Variants in FSD1L observed in about 807,000 individuals in gnomAD.
The protein encoded by FSD1L is FSD1-like protein.
A neutral mutation model predicts 71.6 loss-of-function variants in FSD1L; 45 were observed. The ratio of observed to expected loss-of-function variants is 0.63; its 90% confidence interval spans 0.49 to 0.81. The LOEUF (loss-of-function observed/expected upper bound fraction) is 0.81. Among genes scored for constraint, FSD1L ranks in the 30% least tolerant of loss-of-function variants. The probability of loss-of-function intolerance (pLI) is 0.00; values close to 1 mark genes in which losing one functional copy is unlikely to be tolerated. For synonymous variants in FSD1L, 197 were observed against 207.2 expected (o/e 0.95, Z 0.42); for missense variants, 561 against 618.1 (o/e 0.91, Z 0.98).
At chr9:105,465,946 A>G (rs1169420823) in intron 3 of FSD1L, among the ~76,000 whole-genome samples, 1 of 151,492 alleles carries the variant, frequency 6.6e-6, no homozygotes, top group Non-Finnish European at 1.5e-5. Flanking sequence ...GTCTCAGCTC[A>G]CTGAAACTCC....
intron 4 of FSD1L, among the ~76,000 whole-genome samples, chr9:105,470,698 C>G (rs1335193940): frequency 6.6e-6 from 1 of 152,084 alleles, no homozygotes; most frequent in African/African-American, 2.4e-5. Context: ...GGATCAGATA[C>G]TGTATCTTCG....
chr9:105,476,323 T>G (rs1027844693), intron 5 of FSD1L, among the ~76,000 whole-genome samples: 17 of 152,144 alleles, frequency 1.1e-4, no homozygotes, highest in African/African-American at 3.6e-4. Flanking sequence ...ATCTCTTAGT[T>G]AATTGTTTTT....
chr9:105,533,800 C>T (rs910526090), intron 10 of FSD1L, among the ~76,000 whole-genome samples: 4 of 148,780 alleles, frequency 2.7e-5, no homozygotes, highest in South Asian at 2.1e-4. Context: ...ATGGCTCACC[C>T]GCAACCTCTG....
intron 13 of FSD1L, among the ~76,000 whole-genome samples, chr9:105,542,277 T>G (rs1195045101): frequency 6.6e-6 from 1 of 152,192 alleles, no homozygotes; most frequent in Non-Finnish European, 1.5e-5. Flanking sequence ...TACCAGATTT[T>G]TTGTTGTTGT....
At chr9:105,483,778 C>T (rs1832359036) in intron 6 of FSD1L, among the ~76,000 whole-genome samples, 1 of 152,022 alleles carries the variant, frequency 6.6e-6, no homozygotes, top group Non-Finnish European at 1.5e-5. Flanking sequence ...TTCCCTATAG[C>T]TGATGTTGAT....
At chr9:105,504,117 A>G (rs950428466) in intron 7 of FSD1L, among the ~76,000 whole-genome samples, 1 of 152,224 alleles carries the variant, frequency 6.6e-6, no homozygotes, top group Non-Finnish European at 1.5e-5. Flanking sequence ...TCACATTGCT[A>G]CAGGCCATAG....
In FSD1L at chr9:105,455,521, T is replaced by C. The variant is rs140368903; in HGVS notation, c.16-5999T>C. Among the ~76,000 whole-genome samples, 983 of 152,310 alleles carry C rather than the reference T, an allele frequency of 6.5e-3. 5 individuals are homozygous for C. Among genetic ancestry groups the C allele is most frequent in the Non-Finnish European group, 7.7e-3 (524 of 68,026 alleles). ...TTACATGCTGATTTGATCAATCCCT[T>C]TCCTCTGGTTGCAGGAACCCTATGA... On this transcript the variant is annotated intron_variant, in intron 1 of 13. Transcript: ENST00000481272.
Position 105,523,618 on chromosome 9 carries a change from C to T in FSD1L, c.1025+10682C>T, listed in dbSNP as rs1835322125. 1.9e-6 allele frequency: 3 copies of T among 1,609,998 alleles called. No homozygotes were observed. In the Admixed American group the frequency reaches 5.0e-5, roughly 27 times the overall value. On this transcript the variant is annotated intron_variant, in intron 10 of 13. Transcript: ENST00000481272. ...TCCCCTTCTCCACCAGTTTTAATTC[C>T]TCCACTGAGAATTCTTACACCTTGG...
intron 3 of FSD1L, among the ~76,000 whole-genome samples, chr9:105,465,721 A>G (rs1384652191): frequency 6.6e-6 from 1 of 152,198 alleles, no homozygotes; most frequent in Non-Finnish European, 1.5e-5. Flanking sequence ...CATGATAAAG[A>G]CTCTCAACAA....
chr9:105,457,784 T>C (rs1360405943), intron 1 of FSD1L, among the ~76,000 whole-genome samples: 2 of 151,826 alleles, frequency 1.3e-5, no homozygotes, highest in Non-Finnish European at 2.9e-5. Flanking sequence ...AGCGAGCGAG[T>C]GAGTTTGGGG....
In FSD1L at chr9:105,471,926, A is replaced by G. The variant is rs28503319; in HGVS notation, c.362A>G (p.Asn121Ser). 54,744 of 1,378,182 alleles carry G rather than the reference A, an allele frequency of 0.04. 1,301 individuals are homozygous for G. Among genetic ancestry groups the G allele is most frequent in the Non-Finnish European group, 0.044 (46,668 of 1,057,404 alleles). The allele number at this position is 1,378,182 out of a possible 1,614,324, so 85.4% of individuals were successfully genotyped here. ...TAGAGTCAGATTAGTCAATGTAATA[A>G]TGCCCTGGAGAACTCTGAAGAACTA... ...ELQSQISQCNNALENSEELLE... is the reference protein window; with the variant it reads ...ELQSQISQCNSALENSEELLE... The change falls in exon 5 of 14, where the codon AAT (asparagine) becomes AGT (serine). Residue 121 changes from asparagine to serine, a missense_variant. Asn to Ser is a conservative substitution (Grantham distance 46). Coordinates refer to ENST00000481272, the MANE Select transcript of FSD1L (RefSeq NM_001145313.3).
chr9:105,471,724 T>TTATA (rs35702574), intron 4 of FSD1L, among the ~76,000 whole-genome samples, 180 bp from the exon 5 acceptor site: 40,293 of 143,076 alleles, frequency 0.28, 5,830 homozygotes, highest in Non-Finnish European at 0.33. Flanking sequence ...ATAACACGTT[T>TTATA]TATATATATA....
intron 10 of FSD1L, among the ~76,000 whole-genome samples, chr9:105,528,705 C>G (rs1430325125): frequency 6.6e-6 from 1 of 152,140 alleles, no homozygotes; most frequent in Admixed American, 6.5e-5. Context: ...CAATACCATT[C>G]AGGACATAAG....
At position 105,544,922 on chromosome 9, in the gene FSD1L, T is replaced by G. The variant is rs553893880; in HGVS notation, c.1468-1436T>G. ...CTTGGCAATGTGGGCTCTTTTTTGG[T>G]TCCATATTAACTTTAAAGTAGTTTT... On this transcript the variant is annotated intron_variant, in intron 13 of 13. Coordinates refer to ENST00000481272, the MANE Select transcript of FSD1L (RefSeq NM_001145313.3). Among the ~76,000 whole-genome samples the G allele has an allele frequency of 3.3e-5, 5 of 152,326 alleles. No individual in the cohort carries two copies. In the East Asian group the frequency reaches 5.8e-4, roughly 18 times the overall value.
chr9:105,448,532 G>C (rs1374596543), intron 1 of FSD1L, among the ~76,000 whole-genome samples: 1 of 152,232 alleles, frequency 6.6e-6, no homozygotes, highest in African/African-American at 2.4e-5. Flanking sequence ...CCACTCTGCA[G>C]CGCTTTAGGC....
intron 1 of FSD1L, among the ~76,000 whole-genome samples, chr9:105,452,500 C>T (rs1186907727): frequency 2.6e-5 from 4 of 152,124 alleles, no homozygotes; most frequent in Admixed American, 6.5e-5. Context: ...TTCATTACCA[C>T]GCTTCTTGCC....
intron 13 of FSD1L, among the ~76,000 whole-genome samples, chr9:105,540,697 A>G (rs2131518098): frequency 6.6e-6 from 1 of 152,252 alleles, no homozygotes; most frequent in Non-Finnish European, 1.5e-5. Flanking sequence ...TGTACAAAAT[A>G]TTAGATGACT....
At chr9:105,456,457 C>G (rs942243042) in intron 1 of FSD1L, among the ~76,000 whole-genome samples, 1 of 152,178 alleles carries the variant, frequency 6.6e-6, no homozygotes, top group Non-Finnish European at 1.5e-5. Context: ...TTTGCTCAGT[C>G]TATTGATTAT....
At chr9:105,528,430 C>G (rs1025869644) in intron 10 of FSD1L, among the ~76,000 whole-genome samples, 2 of 152,192 alleles carry the variant, frequency 1.3e-5, no homozygotes, top group African/African-American at 2.4e-5. Context: ...GGTACCAAAA[C>G]AGATACATAG....
Sources: allele counts gnomAD v4.1 joint callset (sites outside exome capture counted in the v4.1 genomes callset), GRCh38; gene constraint gnomAD v4.1.1; transcripts MANE v1.5; gene names NCBI Gene and HGNC (gene_info 2026-07-23, HGNC 2026-07-21).